The following ARHGEF28 variants were observed in gnomAD, a reference collection of about 807,000 sequenced individuals.
ARHGEF28 encodes the protein Rho guanine nucleotide exchange factor 28, also known as 190 kDa guanine nucleotide exchange factor.
ARHGEF28 carries 152 observed loss-of-function variants against 206.6 expected under a neutral mutation model. The observed-to-expected ratio is 0.74, with a 90% confidence interval of 0.64 to 0.84. The LOEUF (loss-of-function observed/expected upper bound fraction) is 0.84, where lower values mean the gene tolerates loss of function less well. Among genes scored for constraint, ARHGEF28 ranks in the 40% least tolerant of loss-of-function variants. The pLI, the probability that ARHGEF28 is intolerant of heterozygous loss-of-function variation, is 0.00. For missense variants in ARHGEF28, 2,028 were observed against 2,073.2 expected, an observed-to-expected ratio of 0.98 and a Z score of 0.42; for synonymous variants, 763 against 776.4, an observed-to-expected ratio of 0.98 and a Z score of 0.29.
intron 7 of ARHGEF28, among the ~76,000 whole-genome samples, chr5:73,791,675 A>G (rs1375754637): frequency 2.0e-5 from 3 of 152,200 alleles, no homozygotes; most frequent in African/African-American, 4.8e-5. Context: ...CTGTTTCTTA[A>G]TGAGACACTG....
intron 1 of ARHGEF28, among the ~76,000 whole-genome samples, chr5:73,640,114 T>C (rs1743977907): frequency 6.6e-6 from 1 of 152,190 alleles, no homozygotes; most frequent in South Asian, 2.1e-4. Flanking sequence ...TAGAGGATGG[T>C]AAGCTAGGCC....
In ARHGEF28 at chr5:73,857,675, G is replaced by GAT; in HGVS notation, c.1812_1813dup (p.Lys605IlefsTer16). ...TTGTAGAATTCAGGAAGAAGAATGG[G>GAT]ATAAATACATCATACCTGCCAAATC... On this transcript the variant is annotated frameshift_variant, in exon 15 of 36. Coordinates refer to ENST00000513042, the MANE Select transcript of ARHGEF28 (RefSeq NM_001177693.2). LOFTEE classifies it high-confidence loss of function. 1 of 1,587,124 alleles carries GAT rather than the reference G, an allele frequency of 6.3e-7. No individual in the cohort carries two copies. The highest frequency in any genetic ancestry group is 8.6e-7 in the Non-Finnish European group (1 of 1,165,410).
chr5:73,717,866 A>G (rs891412459), intron 2 of ARHGEF28, among the ~76,000 whole-genome samples: 2 of 152,070 alleles, frequency 1.3e-5, no homozygotes, highest in East Asian at 1.9e-4. Context: ...ATTTATCAAT[A>G]TGGAATTTGT....
chr5:73,739,828 A>ATAAAAAT (rs1751253907), intron 2 of ARHGEF28, among the ~76,000 whole-genome samples: 1 of 140,246 alleles, frequency 7.1e-6, no homozygotes, highest in Admixed American at 7.2e-5. Flanking sequence ...AATAATAATA[A>ATAAAAAT]AAATAAATAA....
chr5:73,863,980 C>T (rs942363868), intron 16 of ARHGEF28, among the ~76,000 whole-genome samples: 7 of 152,078 alleles, frequency 4.6e-5, no homozygotes, highest in Non-Finnish European at 1.0e-4. Context: ...TGCAGTGTGG[C>T]TTTGATGGAC....
At chr5:73,653,754 A>G (rs1404079913) in intron 1 of ARHGEF28, among the ~76,000 whole-genome samples, 2 of 152,198 alleles carry the variant, frequency 1.3e-5, no homozygotes, top group Non-Finnish European at 2.9e-5. Flanking sequence ...CACAACATCC[A>G]GTCTCCTCTG....
intron 2 of ARHGEF28, among the ~76,000 whole-genome samples, chr5:73,697,735 T>C (rs1748309789): frequency 6.6e-6 from 1 of 152,160 alleles, no homozygotes; most frequent in African/African-American, 2.4e-5. Context: ...CAACATGAGT[T>C]TCTGGAGGGG....
intron 1 of ARHGEF28, among the ~76,000 whole-genome samples, chr5:73,637,893 C>T (rs559584423): frequency 2.0e-5 from 3 of 152,024 alleles, no homozygotes; most frequent in South Asian, 4.1e-4. Context: ...TTCTGGGAGC[C>T]GTACCTGGTA....
intron 14 of ARHGEF28, 63 bp downstream of exon 14, chr5:73,852,755 C>T: frequency 1.9e-6 from 3 of 1,542,656 alleles, no homozygotes; most frequent in Non-Finnish European, 2.7e-6. Flanking sequence ...AATGTCCACA[C>T]ATCATTTTTG....
intron 7 of ARHGEF28, among the ~76,000 whole-genome samples, chr5:73,783,345 A>AGTGTGTGTGTGTGTGTGTGT (rs57320048): frequency 2.7e-5 from 4 of 145,812 alleles, no homozygotes; most frequent in Non-Finnish European, 6.0e-5. Flanking sequence ...CCTGGAATAT[A>AGTGTGTGTGTGTGTGTGTGT]GTGTGTGTGT....
At chr5:73,877,698 G>A (rs1414756475) in intron 22 of ARHGEF28, among the ~76,000 whole-genome samples, 1 of 151,028 alleles carries the variant, frequency 6.6e-6, no homozygotes, top group African/African-American at 2.4e-5. Flanking sequence ...TCATTCAGGA[G>A]CAGGTTGTTC....
At chr5:73,643,295 C>T (rs1365510869) in intron 1 of ARHGEF28, among the ~76,000 whole-genome samples, 1 of 152,128 alleles carries the variant, frequency 6.6e-6, no homozygotes, top group Non-Finnish European at 1.5e-5. Flanking sequence ...ATTTTAGTTT[C>T]ATAAGTGAAC....
chr5:73,675,763 G>A (rs188663260), intron 1 of ARHGEF28, among the ~76,000 whole-genome samples: 173 of 145,470 alleles, frequency 1.2e-3, no homozygotes, highest in African/African-American at 4.0e-3. Flanking sequence ...AAGAAAATAA[G>A]CATATTTATA....
chr5:73,749,985 G>A lies in ARHGEF28; in HGVS notation c.181+1G>A, dbSNP rs1751943021. ...AACGTTCTCCAGTCCAGCGTCCCAGGTGAGGTGTCCTCTTTGTTGTGCAGC... is the reference window on the plus strand; with the variant it reads ...AACGTTCTCCAGTCCAGCGTCCCAGATGAGGTGTCCTCTTTGTTGTGCAGC... On this transcript the variant is annotated splice_donor_variant, in intron 3 of 35. Transcript: ENST00000513042. LOFTEE classifies it high-confidence loss of function. The A allele has an allele frequency of 6.2e-7, 1 of 1,613,610 alleles. No individual in the cohort carries two copies. Among genetic ancestry groups the A allele is most frequent in the African/African-American group, 1.3e-5 (1 of 74,934 alleles).
At chr5:73,872,871 AT>A in intron 21 of ARHGEF28, 127 bp from the exon 22 acceptor site, 1 of 1,089,834 alleles carries the variant, frequency 9.2e-7, no homozygotes, top group Non-Finnish European at 1.3e-6. Context: ...ATATTGGAAT[AT>A]TCTTGATATT....
At chr5:73,826,152 T>C (rs1428572284) in intron 9 of ARHGEF28, among the ~76,000 whole-genome samples, 2 of 152,040 alleles carry the variant, frequency 1.3e-5, no homozygotes, top group Non-Finnish European at 2.9e-5. Flanking sequence ...GGACAGGAAA[T>C]GATCAACTGT....
chr5:73,904,589 C>T (rs961060061), intron 33 of ARHGEF28, 184 bp downstream of exon 33: 1 of 609,766 alleles, frequency 1.6e-6, no homozygotes, highest in African/African-American at 1.8e-5. Context: ...AACACCATGA[C>T]TACATTTTAT....
chr5:73,920,916 A>G (rs538305188), intron 35 of ARHGEF28, among the ~76,000 whole-genome samples: 3 of 152,312 alleles, frequency 2.0e-5, no homozygotes, highest in East Asian at 1.9e-4. Flanking sequence ...TAATTGTTAT[A>G]TCAATAACAA....
intron 22 of ARHGEF28, among the ~76,000 whole-genome samples, chr5:73,878,023 G>T (rs1045123498): frequency 6.6e-6 from 1 of 152,162 alleles, no homozygotes; most frequent in African/African-American, 2.4e-5. Context: ...TGACAGTGGG[G>T]TGTTAAAGTC....
Sources: gnomAD v4.1 joint callset for allele counts (sites outside exome capture counted in the v4.1 genomes callset) on GRCh38, gnomAD v4.1.1 for gene constraint, MANE v1.5 for transcripts, NCBI Gene and HGNC (gene_info 2026-07-23, HGNC 2026-07-21) for gene names.